PLLP: variants seen among roughly 807,000 people sequenced by gnomAD.
The protein encoded by PLLP is plasma membrane proteolipid (plasmolipin).
Under a neutral mutation model 19.7 loss-of-function variants are expected in PLLP, and 15 were observed. The ratio of observed to expected loss-of-function variants is 0.76; its 90% CI spans 0.51 to 1.17. The LOEUF is 1.17. Ranked by LOEUF, PLLP falls within the 50% of genes most tolerant of loss-of-function variation. The pLI is 0.00. For missense variants in PLLP, 255 were observed against 258.3 expected (o/e 0.99, Z 0.09); for synonymous variants, 111 against 116.3 (o/e 0.95, Z 0.29).
chr16:57,273,743 T>G (rs1901113700), intron 1 of PLLP, among the ~76,000 whole-genome samples: 1 of 152,060 alleles, frequency 6.6e-6, no homozygotes, highest in South Asian at 2.1e-4. Flanking sequence ...TGATAAGGAG[T>G]GACCAATGCC....
chr16:57,265,191 G>A (rs1321049683), intron 1 of PLLP, among the ~76,000 whole-genome samples: 3 of 152,380 alleles, frequency 2.0e-5, no homozygotes, highest in East Asian at 1.9e-4. Context: ...GGCCTTGCCC[G>A]CTGTCACACA....
intron 1 of PLLP, 25 bp from the exon 2 acceptor site, chr16:57,262,095 T>C (rs1450003683): frequency 3.1e-6 from 5 of 1,612,634 alleles, no homozygotes; most frequent in South Asian, 1.1e-5. Flanking sequence ...CAAGGCAGGA[T>C]TGGCCAGAGA....
intron 2 of PLLP, among the ~76,000 whole-genome samples, chr16:57,258,802 TC>T (rs2075433772): frequency 6.6e-6 from 1 of 150,878 alleles, no homozygotes; most frequent in Non-Finnish European, 1.5e-5. Context: ...ATGCCTGTGA[TC>T]TCAGCTACTT....
At chr16:57,271,601 C>G (rs2075476139) in intron 1 of PLLP, among the ~76,000 whole-genome samples, 2 of 151,758 alleles carry the variant, frequency 1.3e-5, no homozygotes, top group African/African-American at 2.4e-5. Flanking sequence ...GCCAAGATGG[C>G]ACCATTGCAC....
At chr16:57,266,907 T>A (rs1253484119) in intron 1 of PLLP, among the ~76,000 whole-genome samples, 1 of 144,956 alleles carries the variant, frequency 6.9e-6, no homozygotes, top group Non-Finnish European at 1.5e-5. Flanking sequence ...ACCTGAATAA[T>A]TTGGATTAGG....
chr16:57,278,420 A>G (rs1901179757), intron 1 of PLLP, among the ~76,000 whole-genome samples: 1 of 152,262 alleles, frequency 6.6e-6, no homozygotes, highest in South Asian at 2.1e-4. Flanking sequence ...AAAAGTGCAC[A>G]GGAAAAAAGA....
chr16:57,264,117 C>T (rs921578588), intron 1 of PLLP, among the ~76,000 whole-genome samples: 1 of 152,142 alleles, frequency 6.6e-6, no homozygotes, highest in African/African-American at 2.4e-5. Context: ...CCAGGCACCC[C>T]ATCCAAAAGC....
chr16:57,276,923 T>A (rs2146449703), intron 1 of PLLP, among the ~76,000 whole-genome samples: 1 of 152,178 alleles, frequency 6.6e-6, no homozygotes, highest in South Asian at 2.1e-4. Flanking sequence ...GAAGTGTCTG[T>A]CAACAAAGGG....
At chr16:57,277,850 T>C (rs986378633) in intron 1 of PLLP, among the ~76,000 whole-genome samples, 20 of 152,326 alleles carry the variant, frequency 1.3e-4, no homozygotes, top group African/African-American at 4.6e-4. Flanking sequence ...TGGGGCGTGG[T>C]CAGTCAGGGA....
At position 57,273,894 on chromosome 16, in the gene PLLP, G is replaced by A. The variant is rs116298023; in HGVS notation, c.135+10512C>T. On this transcript the variant is annotated intron_variant, in intron 1 of 3. Coordinates refer to ENST00000219207, the MANE Select transcript of PLLP (RefSeq NM_015993.3). The stretch of plus-strand genomic sequence containing the variant: ...ACTGAACTCAAGGCTATTGCTCCCT[G>A]CTGTGTGATCCTGGGGAAAGTGCCT... Among the ~76,000 whole-genome samples, 705 of 152,334 alleles carry A rather than the reference G, an allele frequency of 4.6e-3. 6 individuals carry two copies. The highest frequency in any genetic ancestry group is 0.016 in the African/African-American group (670 of 41,572).
At chr16:57,261,801 G>T in intron 2 of PLLP, 96 bp downstream of exon 2, 1 of 1,071,790 alleles carries the variant, frequency 9.3e-7, no homozygotes, top group East Asian at 2.4e-5. Context: ...AGGTCAGTGA[G>T]GATGTCAGGC....
chr16:57,271,105 C>G (rs544028797), intron 1 of PLLP, among the ~76,000 whole-genome samples: 1 of 152,108 alleles, frequency 6.6e-6, no homozygotes, highest in South Asian at 2.1e-4. Flanking sequence ...TCCTCCAAGG[C>G]GTTCATTGTA....
At position 57,256,680 on chromosome 16, in the gene PLLP, G is replaced by A. The variant is rs1466830885; in HGVS notation, c.*233C>T. ...TCCCCCGTCATCTTCCACTGAATAA[G>A]GGGGATGGAGAAGAGGTCTCAGCAG... is the stretch of plus-strand genomic sequence containing the variant. On this transcript the variant is annotated 3_prime_UTR_variant, in exon 4 of 4. Coordinates refer to ENST00000219207, the MANE Select transcript of PLLP (RefSeq NM_015993.3). 1.3e-5 allele frequency: 7 copies of A among 535,958 alleles called. No homozygotes were observed. The highest frequency in any genetic ancestry group is 2.0e-5 in the Non-Finnish European group (6 of 298,150). 33.2% of individuals were successfully genotyped at this position (535,958 alleles called of 1,614,324 possible).
intron 2 of PLLP, among the ~76,000 whole-genome samples, chr16:57,261,218 T>C (rs1756163738): frequency 6.6e-6 from 1 of 152,052 alleles, no homozygotes; most frequent in African/African-American, 2.4e-5. Flanking sequence ...TTGGTCAGGC[T>C]GGTCTCAAAC....
At position 57,275,641 on chromosome 16, in the gene PLLP, C is replaced by CAAAA. The variant is rs57139241; in HGVS notation, c.135+8761_135+8764dup. 3.8e-3 allele frequency among the ~76,000 whole-genome samples: 159 copies of CAAAA among 41,346 alleles called. 1 individual carries two copies. Among genetic ancestry groups the CAAAA allele is most frequent in the Non-Finnish European group, 4.6e-3 (107 of 23,438 alleles). The allele number at this position is 41,346 out of a possible 152,430, so 27.1% of individuals were successfully genotyped here. ...AACACTACAACAAAATTTTGCAAGG[C>CAAAA]AAAAAAAAAAAAAAAAAAAACACCA... is the stretch of plus-strand genomic sequence containing the variant. On this transcript the variant is annotated intron_variant, in intron 1 of 3. Transcript: ENST00000219207.
intron 1 of PLLP, among the ~76,000 whole-genome samples, chr16:57,270,264 CCCAGCCCCCGAGTCCATCT>C (rs1248939705): frequency 1.6e-5 from 2 of 127,686 alleles, no homozygotes; most frequent in East Asian, 2.3e-4. Context: ...CGAGTCCATC[CCCAGCCCCCGAGTCCATCT>C]CCAGCCCCCG....
chr16:57,270,293 G>A lies in PLLP; in HGVS notation c.136-8223C>T, dbSNP rs1330140485. On this transcript the variant is annotated intron_variant, in intron 1 of 3. Coordinates refer to ENST00000219207, the MANE Select transcript of PLLP (RefSeq NM_015993.3). ...GCCCCCGAGTCCATCTCCAGCCCCC[G>A]AGTCCTTCCCCAGCCCCTGAGTCCA... Among the ~76,000 whole-genome samples, 7 of 79,578 alleles carry A rather than the reference G, an allele frequency of 8.8e-5. No homozygotes were observed. In the South Asian group the frequency reaches 1.6e-3, roughly 18 times the overall value. 52.2% of individuals were successfully genotyped at this position (79,578 alleles called of 152,430 possible).
chr16:57,278,806 C>G (rs1352177870), intron 1 of PLLP, among the ~76,000 whole-genome samples: 2 of 152,174 alleles, frequency 1.3e-5, no homozygotes, highest in Non-Finnish European at 2.9e-5. Context: ...ACACCTCACT[C>G]GGACTCCAAC....
intron 1 of PLLP, among the ~76,000 whole-genome samples, chr16:57,279,886 T>C (rs1164841650): frequency 1.3e-5 from 2 of 152,190 alleles, no homozygotes; most frequent in African/African-American, 4.8e-5. Flanking sequence ...AAAGTGGGAA[T>C]TGTGTGGCCA....
Sources: gnomAD v4.1 joint callset for allele counts (sites outside exome capture counted in the v4.1 genomes callset) on GRCh38, gnomAD v4.1.1 for gene constraint, MANE v1.5 for transcripts, NCBI Gene and HGNC (gene_info 2026-07-23, HGNC 2026-07-21) for gene names.